The following BCAR3 variants were observed in gnomAD, a reference collection of about 807,000 sequenced individuals.
BCAR3 encodes BCAR3 adaptor protein, NSP family member, also known as breast cancer anti-estrogen resistance protein 3.
In BCAR3, 37 loss-of-function variants were observed where a neutral mutation model predicts 80.1. That is an observed-to-expected ratio of 0.46 (90% CI 0.36 to 0.61). The LOEUF (loss-of-function observed/expected upper bound fraction) is 0.61, where lower values mean the gene tolerates loss of function less well. Among genes scored for constraint, BCAR3 ranks in the 20% least tolerant of loss-of-function variants. The probability of loss-of-function intolerance (pLI) is 0.00; values close to 1 mark genes in which losing one functional copy is unlikely to be tolerated. For synonymous variants in BCAR3, 389 were observed against 418.9 expected, an observed-to-expected ratio of 0.93 and a Z score of 0.87; for missense variants, 978 against 1,068.2, an observed-to-expected ratio of 0.92 and a Z score of 1.18.
chr1:93,730,592 C>T (rs970314837), intron 2 of BCAR3, among the ~76,000 whole-genome samples: 25 of 152,336 alleles, frequency 1.6e-4, no homozygotes, highest in African/African-American at 5.5e-4. Flanking sequence ...TTCCCTCATA[C>T]CAAGGAACTG....
At chr1:93,617,645 C>G (rs1483444788) in intron 3 of BCAR3, among the ~76,000 whole-genome samples, 2 of 152,236 alleles carry the variant, frequency 1.3e-5, no homozygotes, top group Non-Finnish European at 2.9e-5. Context: ...AAGATCAATG[C>G]TTTCTGGCTT....
intron 2 of BCAR3, among the ~76,000 whole-genome samples, chr1:93,727,835 T>C (rs1650645329): frequency 6.6e-6 from 1 of 152,198 alleles, no homozygotes. Context: ...TATAATCTTA[T>C]TTGGAAAAAC....
chr1:93,687,113 G>A (rs1455757863), intron 3 of BCAR3, among the ~76,000 whole-genome samples: 1 of 151,964 alleles, frequency 6.6e-6, no homozygotes, highest in Admixed American at 6.6e-5. Flanking sequence ...TCTTAGTTTG[G>A]GGCCTGGCAC....
intron 2 of BCAR3, among the ~76,000 whole-genome samples, chr1:93,731,142 G>A (rs1650773727): frequency 6.6e-6 from 1 of 152,196 alleles, no homozygotes. Flanking sequence ...AACAAGGAAA[G>A]TCAGAAACAG....
At chr1:93,829,413 T>C (rs528887507) in intron 2 of BCAR3, among the ~76,000 whole-genome samples, 8 of 152,286 alleles carry the variant, frequency 5.3e-5, no homozygotes, top group African/African-American at 1.9e-4. Context: ...ATACTGAATG[T>C]ACCTGGCTTC....
chr1:93,815,930 T>C (rs1371395222), intron 2 of BCAR3, among the ~76,000 whole-genome samples: 1 of 152,206 alleles, frequency 6.6e-6, no homozygotes, highest in African/African-American at 2.4e-5. Flanking sequence ...ACACCTTCCC[T>C]GATCCCTCAG....
At chr1:93,635,460 C>G (rs1018311899) in intron 3 of BCAR3, among the ~76,000 whole-genome samples, 42 of 152,206 alleles carry the variant, frequency 2.8e-4, no homozygotes, top group Admixed American at 6.5e-5. Flanking sequence ...TAAGATTCCA[C>G]TGAATGAGGG....
intron 2 of BCAR3, among the ~76,000 whole-genome samples, chr1:93,722,293 G>A (rs930385113): frequency 6.6e-6 from 1 of 152,192 alleles, no homozygotes; most frequent in African/African-American, 2.4e-5. Flanking sequence ...GGCCTTTACT[G>A]CGTCCTTGGG....
chr1:93,741,592 CA>C (rs1284422422), intron 2 of BCAR3, among the ~76,000 whole-genome samples: 1 of 152,156 alleles, frequency 6.6e-6, no homozygotes, highest in African/African-American at 2.4e-5. Flanking sequence ...TTACTGGAGA[CA>C]GAGTTTCACT....
chr1:93,840,188 G>A (rs758121765), intron 2 of BCAR3, among the ~76,000 whole-genome samples: 4 of 152,190 alleles, frequency 2.6e-5, no homozygotes, highest in Non-Finnish European at 5.9e-5. Flanking sequence ...TAACAAGTCT[G>A]CTCCCAGTTG....
At chr1:93,699,465 G>A (rs1282664191) in intron 3 of BCAR3, among the ~76,000 whole-genome samples, 6 of 152,120 alleles carry the variant, frequency 3.9e-5, no homozygotes, top group African/African-American at 7.2e-5. Context: ...GAGGATTTCT[G>A]TAGGGGTGAA....
rs1250710522 is a variant in BCAR3, at chr1:93,662,318, T to C, written c.317+12296A>G. Among the ~76,000 whole-genome samples the C allele has an allele frequency of 2.0e-5, 3 of 152,220 alleles. No homozygotes were observed. The East Asian group carries it at 5.8e-4, about 29-fold the overall frequency. On this transcript the variant is annotated intron_variant, in intron 2 of 11. Transcript: ENST00000260502. ...CTGCAGTTCTCCAGATCTTGAAATA[T>C]TTTTCGTGTGTGGCTGTTTAGCCAA...
intron 2 of BCAR3, among the ~76,000 whole-genome samples, chr1:93,794,118 A>C (rs1171310473): frequency 3.7e-5 from 1 of 26,668 alleles, no homozygotes; most frequent in South Asian, 2.3e-3. Context: ...GTGCTGAAAA[A>C]AATGTATATT....
chr1:93,823,687 C>A lies in BCAR3; in HGVS notation c.-63+21880G>T, dbSNP rs1197787548. ...TTTTAACCTACATAGAAAAGTATCT[C>A]ATTGTTTTTTGTTGTTGTTGTTATT... On this transcript the variant is annotated intron_variant, in intron 2 of 13. Transcript: ENST00000370244. Among the ~76,000 whole-genome samples, 126 of 134,120 alleles carry A rather than the reference C, an allele frequency of 9.4e-4. 8 individuals carry two copies. Among genetic ancestry groups the A allele is most frequent in the African/African-American group, 3.0e-3 (121 of 39,870 alleles). 88.0% of individuals were successfully genotyped at this position (134,120 alleles called of 152,430 possible). A position where few individuals can be genotyped will look rare whatever the true frequency, so the allele number is the denominator to read the frequency against.
In BCAR3 at chr1:93,562,145, A is replaced by C. The variant is rs1437219436; in HGVS notation, c.*96T>G. 1.5e-6 allele frequency: 2 copies of C among 1,329,744 alleles called. No individual in the cohort carries two copies. Among genetic ancestry groups the C allele is most frequent in the Admixed American group, 4.5e-5 (2 of 44,512 alleles). The allele number at this position is 1,329,744 out of a possible 1,614,324, so 82.4% of individuals were successfully genotyped here. ...ATACTAAAAGCTTGTATATTGTCAG[A>C]TTTGCACATTATTACTTTATCAAAA... On this transcript the variant is annotated 3_prime_UTR_variant, in exon 12 of 12. Transcript: ENST00000260502.
intron 3 of BCAR3, among the ~76,000 whole-genome samples, chr1:93,610,735 C>A (rs1674921808): frequency 6.6e-6 from 1 of 152,122 alleles, no homozygotes; most frequent in African/African-American, 2.4e-5. Flanking sequence ...CACCTGAGGT[C>A]ATGAGTTCAA....
At chr1:93,651,562 A>G (rs1676326241) in intron 2 of BCAR3, among the ~76,000 whole-genome samples, 1 of 152,256 alleles carries the variant, frequency 6.6e-6, no homozygotes, top group African/African-American at 2.4e-5. Flanking sequence ...CTCAACTTAC[A>G]GACCACAAAA....
chr1:93,587,943 G>A (rs531607577), intron 5 of BCAR3, among the ~76,000 whole-genome samples: 1 of 152,158 alleles, frequency 6.6e-6, no homozygotes, highest in South Asian at 2.1e-4. Context: ...TTGACAGCTG[G>A]GTGCTTAGGA....
intron 3 of BCAR3, among the ~76,000 whole-genome samples, chr1:93,636,520 CA>C (rs560223740): frequency 6.9e-5 from 10 of 144,736 alleles, no homozygotes; most frequent in Admixed American, 2.1e-4. Flanking sequence ...AGCCTGGCCA[CA>C]AAAAAACACT....
Sources: gnomAD v4.1 joint callset for allele counts (sites outside exome capture counted in the v4.1 genomes callset) on GRCh38, gnomAD v4.1.1 for gene constraint, MANE v1.5 for transcripts, NCBI Gene and HGNC (gene_info 2026-07-23, HGNC 2026-07-21) for gene names.